KAZN: variants seen among roughly 807,000 people sequenced by gnomAD.
The protein encoded by KAZN is kazrin, periplakin interacting protein.
A neutral mutation model predicts 87.4 loss-of-function variants in KAZN; 40 were observed. The observed-to-expected ratio is 0.46, with a 90% CI of 0.36 to 0.60. The LOEUF is 0.60. Among genes scored for constraint, KAZN ranks in the 20% least tolerant of loss-of-function variants. The probability of loss-of-function intolerance (pLI) is 0.00; values close to 1 mark genes in which losing one functional copy is unlikely to be tolerated. For synonymous variants in KAZN, 466 were observed against 458.3 expected (o/e 1.02, Z -0.22); for missense variants, 898 against 1,073.9 (o/e 0.84, Z 2.29).
At chr1:14,575,546 C>T (rs1038015510) in intron 2 of KAZN, among the ~76,000 whole-genome samples, 1 of 152,150 alleles carries the variant, frequency 6.6e-6, no homozygotes, top group Non-Finnish European at 1.5e-5. Context: ...AGCTACCATT[C>T]AAGATGAGAT....
chr1:15,066,770 A>C lies in KAZN; in HGVS notation c.1222+1017A>C. ...TTAGGGTGGCCAGAACCCAGGGACCATTGGATTTCAAAGCTTGCTTTTTCT... is the reference window on the plus strand; with the variant it reads ...TTAGGGTGGCCAGAACCCAGGGACCCTTGGATTTCAAAGCTTGCTTTTTCT... On this transcript the variant is annotated intron_variant, in intron 8 of 14. Coordinates refer to ENST00000376030, the MANE Select transcript of KAZN (RefSeq NM_201628.3). The surrounding 1 kb of genome is among the most constrained non-coding windows in gnomAD (Gnocchi z 4.3). The C allele has an allele frequency of 2.0e-6, 2 of 985,366 alleles. No individual in the cohort carries two copies. The highest frequency in any genetic ancestry group is 2.4e-6 in the Non-Finnish European group (2 of 829,960). 61.0% of individuals were successfully genotyped at this position (985,366 alleles called of 1,614,324 possible). A position where few individuals can be genotyped will look rare whatever the true frequency, so the allele number is the denominator to read the frequency against.
At chr1:14,552,104 A>G (rs896601496) in intron 2 of KAZN, among the ~76,000 whole-genome samples, 1 of 152,076 alleles carries the variant, frequency 6.6e-6, no homozygotes, top group African/African-American at 2.4e-5. Flanking sequence ...TGGTGCCCCT[A>G]AAATATAATT....
At position 13,898,388 on chromosome 1, in the gene KAZN, G is replaced by A. The variant is rs188853917; in HGVS notation, c.91+4632G>A. Among the ~76,000 whole-genome samples, 16 of 152,358 alleles carry A rather than the reference G, an allele frequency of 1.1e-4. No homozygotes were observed. The East Asian group carries it at 1.9e-3, about 18-fold the overall frequency. On this transcript the variant is annotated intron_variant, in intron 1 of 16. Transcript: ENST00000636203. ...CAGCTTGCAGACCATAGCTGGTGGG[G>A]ACTTCATCTATTGTGCCAAGTTCTG...
intron 1 of KAZN, among the ~76,000 whole-genome samples, chr1:14,898,293 G>A (rs1468903805): frequency 6.6e-6 from 1 of 152,200 alleles, no homozygotes; most frequent in Non-Finnish European, 1.5e-5. Flanking sequence ...AGCAGGGGCA[G>A]TGTTCAACAG....
chr1:14,563,313 G>C (rs1383429112), intron 2 of KAZN, among the ~76,000 whole-genome samples: 1 of 152,150 alleles, frequency 6.6e-6, no homozygotes, highest in Non-Finnish European at 1.5e-5. Context: ...TAAAAATGAA[G>C]ATTCCCTGGC....
At chr1:15,110,372 GTA>G (rs1347360199) in intron 13 of KAZN, among the ~76,000 whole-genome samples, 2 of 124,120 alleles carry the variant, frequency 1.6e-5, no homozygotes, top group African/African-American at 6.1e-5. Context: ...GTGTGTATAT[GTA>G]GTGTGTATTT....
At chr1:14,597,365 G>C (rs752885940), upstream of KAZN, among the ~76,000 whole-genome samples, 1 of 152,244 alleles carries the variant, frequency 6.6e-6, no homozygotes, top group Non-Finnish European at 1.5e-5. Flanking sequence ...CACAGAAAAG[G>C]GGGGAGAAAT....
At chr1:14,849,961 G>C (rs1002736694) in intron 1 of KAZN, among the ~76,000 whole-genome samples, 3 of 148,074 alleles carry the variant, frequency 2.0e-5, no homozygotes, top group Non-Finnish European at 4.5e-5. Flanking sequence ...TTGAAACAGA[G>C]TATCGCTCTG....
chr1:14,924,016 C>T, intron 1 of KAZN: 1 of 693,946 alleles, frequency 1.4e-6, no homozygotes, highest in Non-Finnish European at 1.7e-6. Flanking sequence ...GCGGCGCTCC[C>T]CGGGCACTGG....
At chr1:14,011,442 C>T (rs6698891) in intron 1 of KAZN, among the ~76,000 whole-genome samples, 6,586 of 152,278 alleles carry the variant, frequency 0.043, 441 homozygotes, top group African/African-American at 0.14. Flanking sequence ...ACAAAAACCA[C>T]CATGCACTGC....
chr1:14,398,686 CTCTTT>C (rs1225482396), intron 2 of KAZN, among the ~76,000 whole-genome samples: 1 of 152,178 alleles, frequency 6.6e-6, no homozygotes, highest in Non-Finnish European at 1.5e-5. Context: ...TCTGAGATGA[CTCTTT>C]TCTATCTTCT....
Position 14,598,880 on chromosome 1 carries a change from G to T in KAZN, c.-118G>T. 2 of 1,465,564 alleles carry T rather than the reference G, an allele frequency of 1.4e-6. No homozygotes were observed. The highest frequency in any genetic ancestry group is 1.4e-5 in the South Asian group (1 of 69,782). The allele number at this position is 1,465,564 out of a possible 1,614,324, so 90.8% of individuals were successfully genotyped here. On this transcript the variant is annotated 5_prime_UTR_variant, in exon 1 of 15. Coordinates refer to ENST00000376030, the MANE Select transcript of KAZN (RefSeq NM_201628.3). The surrounding 1 kb of genome is among the most constrained non-coding windows in gnomAD (Gnocchi z 4.2). ...TGCCGGTGCCTGGGGGTCGGGGCGC[G>T]GGCGAAGCCGGGCCGCGGAGGACAC... is the stretch of plus-strand genomic sequence containing the variant.
intron 8 of KAZN, among the ~76,000 whole-genome samples, chr1:15,068,650 GCCAGGCTTTTCCTAGCC>G (rs1319578295): frequency 3.3e-5 from 5 of 152,052 alleles, no homozygotes; most frequent in African/African-American, 1.2e-4. Context: ...GCCAGAGTGA[GCCAGGCTTTTCCTAGCC>G]CCAAGAGAAC....
intron 1 of KAZN, among the ~76,000 whole-genome samples, chr1:14,774,548 G>A (rs1421567002): frequency 6.7e-6 from 1 of 148,282 alleles, no homozygotes; most frequent in Non-Finnish European, 1.5e-5. Context: ...ATAGCTCACT[G>A]TAACCTTGAC....
chr1:14,109,531 C>T (rs1393110888), intron 1 of KAZN, among the ~76,000 whole-genome samples: 1 of 152,192 alleles, frequency 6.6e-6, no homozygotes, highest in Non-Finnish European at 1.5e-5. Context: ...AACCTCACTC[C>T]TTTCTTGTCA....
At chr1:14,309,354 G>A (rs1655133327) in intron 2 of KAZN, among the ~76,000 whole-genome samples, 1 of 152,132 alleles carries the variant, frequency 6.6e-6, no homozygotes, top group Admixed American at 6.5e-5. Context: ...ATGCTGTTGG[G>A]GAATTGTAGG....
rs1557754615 is a variant in KAZN at position 15,048,719 on chromosome 1, GGTCGTTGGTCATGGGTCGTCGA to G, written c.726+4561_726+4582del. On this transcript the variant is annotated intron_variant, in intron 4 of 14. Coordinates refer to ENST00000376030, the MANE Select transcript of KAZN (RefSeq NM_201628.3). ...CGTTGATCCTTGGTCGTTGGTCCTG[GGTCGTTGGTCATGGGTCGTCGA>G]TCCTGGGTCGTCGATCCTGGGTCGT... is the stretch of plus-strand genomic sequence containing the variant. Among the ~76,000 whole-genome samples the G allele has an allele frequency of 6.5e-4, 92 of 141,514 alleles. 2 individuals are homozygous for G. The highest frequency in any genetic ancestry group is 2.6e-3 in the African/African-American group (88 of 34,494). The allele number at this position is 141,514 out of a possible 152,430, so 92.8% of individuals were successfully genotyped here.
intron 2 of KAZN, among the ~76,000 whole-genome samples, chr1:14,588,948 C>T (rs573362110): frequency 2.6e-5 from 4 of 152,238 alleles, no homozygotes; most frequent in Admixed American, 6.5e-5. Flanking sequence ...AGGACCTAGG[C>T]GTGGAGCCAG....
At chr1:14,188,275 T>A (rs539129150) in intron 2 of KAZN, among the ~76,000 whole-genome samples, 14 of 152,002 alleles carry the variant, frequency 9.2e-5, no homozygotes, top group Non-Finnish European at 1.9e-4. Context: ...TGCATATATT[T>A]GTACTTTAGT....
Sources: gnomAD v4.1 joint callset for allele counts (sites outside exome capture counted in the v4.1 genomes callset) on GRCh38, gnomAD v4.1.1 for gene constraint, Gnocchi (gnomAD v3.1) non-coding constraint, MANE v1.5 for transcripts, NCBI Gene and HGNC (gene_info 2026-07-23, HGNC 2026-07-21) for gene names.